Variants in CMYA5 observed in about 807,000 individuals in gnomAD.
CMYA5 encodes cardiomyopathy associated 5.
Under a neutral mutation model 318.9 loss-of-function variants are expected in CMYA5, and 246 were observed. The observed-to-expected ratio is 0.77, with a 90% CI of 0.70 to 0.86. CMYA5 has a LOEUF of 0.86. Ranked by LOEUF, CMYA5 falls within the 40% of genes least tolerant of loss-of-function variation. The probability of loss-of-function intolerance (pLI) is 0.00; values close to 1 mark genes in which losing one functional copy is unlikely to be tolerated. For synonymous variants in CMYA5, 1,641 were observed against 1,729.5 expected (o/e 0.95, Z 1.27); for missense variants, 4,589 against 4,678.2 (o/e 0.98, Z 0.56).
At chr5:79,778,840 T>TGTGTGTGTGTG (rs1453105123) in intron 9 of CMYA5, among the ~76,000 whole-genome samples, 20 of 122,050 alleles carry the variant, frequency 1.6e-4, no homozygotes, top group South Asian at 5.7e-4. Context: ...TGTGTGTATG[T>TGTGTGTGTGTG]TTATTCACTC....
At chr5:79,756,625 C>T (rs1040156964) in intron 6 of CMYA5, among the ~76,000 whole-genome samples, 3 of 152,212 alleles carry the variant, frequency 2.0e-5, no homozygotes, top group Non-Finnish European at 4.4e-5. Flanking sequence ...TTCTCCTCTT[C>T]TGCTTCTCGT....
chr5:79,701,816 A>G (rs560198512), intron 1 of CMYA5, among the ~76,000 whole-genome samples: 1 of 152,282 alleles, frequency 6.6e-6, no homozygotes, highest in East Asian at 1.9e-4. Flanking sequence ...AAACAACCCA[A>G]ATGTCCATTA....
At chr5:79,771,282 G>T (rs192176516) in intron 9 of CMYA5, among the ~76,000 whole-genome samples, 1 of 152,052 alleles carries the variant, frequency 6.6e-6, no homozygotes, top group Non-Finnish European at 1.5e-5. Context: ...CTTGCTTTAC[G>T]TCACTTAGGG....
intron 1 of CMYA5, among the ~76,000 whole-genome samples, chr5:79,722,738 C>T (rs770467978): frequency 3.4e-5 from 5 of 147,478 alleles, no homozygotes; most frequent in Admixed American, 2.0e-4. Context: ...AATAAAAAAT[C>T]GAGATGACAC....
Position 79,730,569 on chromosome 5 carries a change from C to G in CMYA5, c.1804C>G (p.Gln602Glu). 2 of 1,613,980 alleles carry G rather than the reference C, an allele frequency of 1.2e-6. No homozygotes were observed. Residue 602 changes from glutamine (Q) to glutamate (E), a missense_variant, in exon 2 of 13, where the codon CAG (glutamine) becomes GAG (glutamate). Around this residue, in one of 3 missense-constraint regions of CMYA5, gnomAD observed 2,132 missense variants for 2,131.3 expected, o/e 1.00. Transcript: ENST00000446378. ...TTTTGTATCAGAGTATTCAGTACCACAGGATTTGAACCATGAATTACAGGA... is the reference window on the plus strand; with the variant it reads ...TTTTGTATCAGAGTATTCAGTACCAGAGGATTTGAACCATGAATTACAGGA... ...SAFVSEYSVP[Q>E]DLNHELQEQE...
chr5:79,720,896 A>G (rs1827612616), intron 1 of CMYA5, among the ~76,000 whole-genome samples: 1 of 152,236 alleles, frequency 6.6e-6, no homozygotes, highest in Non-Finnish European at 1.5e-5. Context: ...TTAGAGATAC[A>G]GGAAGGAATG....
rs1374593058 is a variant in CMYA5, at chr5:79,734,087, A to T, written c.5322A>T (p.Pro1774=). The T allele has an allele frequency of 1.2e-6, 2 of 1,613,736 alleles. No homozygotes were observed. Among genetic ancestry groups the T allele is most frequent in the Non-Finnish European group, 1.7e-6 (2 of 1,179,844 alleles). ...GGNQEIGPLP[P]TGNLKAQVMG... is the part of the protein sequence containing the mutation. ...ATCAAGAAATAGGCCCATTACCACCAACTGGAAATTTGAAGGCACAAGTCA... is the reference window on the plus strand; with the variant it reads ...ATCAAGAAATAGGCCCATTACCACCTACTGGAAATTTGAAGGCACAAGTCA... The change falls in exon 2 of 13, where the codon CCA becomes CCT. Residue 1774 remains proline, a synonymous_variant. Transcript: ENST00000446378.
intron 9 of CMYA5, among the ~76,000 whole-genome samples, chr5:79,777,549 A>C (rs968001238): frequency 3.3e-5 from 5 of 152,078 alleles, no homozygotes; most frequent in African/African-American, 1.2e-4. Flanking sequence ...AGGTGAGTGG[A>C]TTGCCTGAGA....
rs1480364387 is a variant in CMYA5, at chr5:79,737,853, G to C, written c.9088G>C (p.Glu3030Gln). ...KQKETHKTKE[E>Q]ISTDSETDLS... ...AAAGGAAACTCATAAGACAAAAGAA[G>C]AGATATCCACAGATTCAGAAACTGA... Residue 3030 changes from glutamate (E) to glutamine (Q), a missense_variant, in exon 2 of 13, where the codon GAG (glutamate) becomes CAG (glutamine). Transcript: ENST00000446378. 2 of 1,600,504 alleles carry C rather than the reference G, an allele frequency of 1.2e-6. No homozygotes were observed. The highest frequency in any genetic ancestry group is 4.5e-5 in the East Asian group (2 of 44,798).
chr5:79,785,697 G>A (rs912737040), intron 9 of CMYA5, among the ~76,000 whole-genome samples: 3 of 151,902 alleles, frequency 2.0e-5, no homozygotes. Context: ...TAGATAAATG[G>A]TCCCATCATC....
chr5:79,712,822 G>A (rs976450457), intron 1 of CMYA5, among the ~76,000 whole-genome samples: 1 of 152,134 alleles, frequency 6.6e-6, no homozygotes, highest in African/African-American at 2.4e-5. Flanking sequence ...CAGTGTAACA[G>A]GTGGGGAGAA....
chr5:79,754,673 T>G (rs1305623927), intron 6 of CMYA5, among the ~76,000 whole-genome samples: 1 of 151,902 alleles, frequency 6.6e-6, no homozygotes, highest in Non-Finnish European at 1.5e-5. Flanking sequence ...TGTGGTAAAA[T>G]ACACATAACA....
intron 1 of CMYA5, among the ~76,000 whole-genome samples, chr5:79,700,516 A>AG (rs763364855): frequency 6.6e-6 from 1 of 152,246 alleles, no homozygotes; most frequent in Non-Finnish European, 1.5e-5. Flanking sequence ...AATTTTAAAA[A>AG]GACAACCCAA....
rs748928450 is a variant in CMYA5, at chr5:79,791,074, G to A, written c.11789+5G>A. ...TGAGAGGAGACGGCTGACGGAGTAA[G>A]TAGAAGAAGAAAGCACAAGTGGGCT... On this transcript the variant is annotated splice_donor_5th_base_variant and intron_variant, in intron 11 of 12. Transcript: ENST00000446378. 3.7e-6 allele frequency: 6 copies of A among 1,607,866 alleles called. No homozygotes were observed. In the African/African-American group the frequency reaches 5.3e-5, roughly 14 times the overall value.
chr5:79,737,043 G>A lies in CMYA5; in HGVS notation c.8278G>A (p.Glu2760Lys). Residue 2760 changes from glutamate to lysine, a missense_variant, in exon 2 of 13, where the codon GAA becomes AAA. Physicochemically the swap from Glu to Lys is moderately conservative, Grantham distance 56 (BLOSUM62 1). This residue lies in a region of CMYA5 where 2,431 missense variants were observed against 2,495.1 expected (regional missense o/e 0.97). Coordinates refer to ENST00000446378, the MANE Select transcript of CMYA5 (RefSeq NM_153610.5). ...SSRDMPDHSE[E>K]KEQFKESELW... ...CAGAGATATGCCAGATCACAGTGAA[G>A]AAAAAGAACAGTTCAAAGAGTCAGA... is the stretch of plus-strand genomic sequence containing the variant. The A allele has an allele frequency of 6.2e-7, 1 of 1,613,596 alleles. No homozygotes were observed. The highest frequency in any genetic ancestry group is 2.2e-5 in the East Asian group (1 of 44,854).
intron 1 of CMYA5, among the ~76,000 whole-genome samples, chr5:79,693,552 G>A (rs1468644905): frequency 1.3e-5 from 2 of 152,036 alleles, no homozygotes; most frequent in Non-Finnish European, 2.9e-5. Flanking sequence ...GTGTTGCCCA[G>A]GCTGGTCTTG....
chr5:79,771,871 A>G (rs978140616), intron 9 of CMYA5, among the ~76,000 whole-genome samples: 2 of 152,238 alleles, frequency 1.3e-5, no homozygotes, highest in Non-Finnish European at 2.9e-5. Flanking sequence ...GCATCCCTCA[A>G]TAACCTGATG....
chr5:79,784,704 CT>C, intron 9 of CMYA5, among the ~76,000 whole-genome samples: 1 of 137,756 alleles, frequency 7.3e-6, no homozygotes, highest in Non-Finnish European at 1.5e-5. Context: ...TCACCCCTTT[CT>C]TTGACTCGGA....
At chr5:79,762,092 T>C (rs1828664335) in intron 8 of CMYA5, 135 bp downstream of exon 8, 2 of 999,634 alleles carry the variant, frequency 2.0e-6, no homozygotes, top group Non-Finnish European at 2.8e-6. Flanking sequence ...TATACAACGA[T>C]GACTTAAGCC....
Sources: gnomAD v4.1 joint callset for allele counts (sites outside exome capture counted in the v4.1 genomes callset) on GRCh38, gnomAD v4.1.1 for gene constraint, gnomAD v4.1.1 regional missense constraint, MANE v1.5 for transcripts, NCBI Gene and HGNC (gene_info 2026-07-23, HGNC 2026-07-21) for gene names.